ARFIP1: variants seen among roughly 807,000 people sequenced by gnomAD.
ARFIP1 encodes the protein arfaptin-1.
Under a neutral mutation model 42.5 loss-of-function variants are expected in ARFIP1, and 24 were observed. That is an observed-to-expected ratio of 0.57 (90% CI 0.41 to 0.80). The LOEUF (loss-of-function observed/expected upper bound fraction) is 0.80. Among genes scored for constraint, ARFIP1 ranks in the 30% least tolerant of loss-of-function variants. The probability of loss-of-function intolerance (pLI) is 0.00; values close to 1 mark genes in which losing one functional copy is unlikely to be tolerated. For missense variants in ARFIP1, 354 were observed against 434.0 expected, an observed-to-expected ratio of 0.82 and a Z score of 1.64; for synonymous variants, 141 against 153.7, an observed-to-expected ratio of 0.92 and a Z score of 0.61.
At chr4:152,782,223 G>GGGGT (rs376749528) in intron 1 of ARFIP1, among the ~76,000 whole-genome samples, 131 of 148,666 alleles carry the variant, frequency 8.8e-4, no homozygotes, top group African/African-American at 3.1e-3. Context: ...AACAGGTAGG[G>GGGGT]GTGTGTGTGT....
intron 1 of ARFIP1, among the ~76,000 whole-genome samples, chr4:152,818,055 A>C (rs1730048912): frequency 1.3e-5 from 2 of 152,248 alleles, no homozygotes; most frequent in South Asian, 2.1e-4. Context: ...GTGGTTTCCC[A>C]AAAAATTAAA....
At chr4:152,883,639 T>C (rs1236612428) in intron 7 of ARFIP1, among the ~76,000 whole-genome samples, 1 of 151,546 alleles carries the variant, frequency 6.6e-6, no homozygotes, top group African/African-American at 2.4e-5. Flanking sequence ...TATGTATATA[T>C]ACAGTTTCCC....
intron 8 of ARFIP1, among the ~76,000 whole-genome samples, chr4:152,893,821 C>A (rs1737070527): frequency 6.6e-6 from 1 of 152,038 alleles, no homozygotes; most frequent in Non-Finnish European, 1.5e-5. Context: ...AAAAAAATTT[C>A]TTAAAATTTA....
intron 8 of ARFIP1, among the ~76,000 whole-genome samples, chr4:152,904,420 G>C (rs1055624235): frequency 6.6e-6 from 1 of 151,884 alleles, no homozygotes; most frequent in African/African-American, 2.4e-5. Flanking sequence ...TTGAACTCCA[G>C]ACCTCGTGAT....
At chr4:152,795,820 A>ATTTCTTTTTTTTTTTTTTTTTTT (rs1731417190) in intron 1 of ARFIP1, among the ~76,000 whole-genome samples, 1 of 28,066 alleles carries the variant, frequency 3.6e-5, no homozygotes, top group Non-Finnish European at 6.2e-5. Flanking sequence ...GGCCCTTGTA[A>ATTTCTTTTTTTTTTTTTTTTTTT]TTTTTTTTTT....
Position 152,891,322 on chromosome 4 carries a change from T to C in ARFIP1, c.966+3015T>C, listed in dbSNP as rs563354188. ...TTTGAACTGAGTAATCAGCTATGTCTAAAGTAAAATCTATAAAGAAACTTT... is the reference window on the plus strand; with the variant it reads ...TTTGAACTGAGTAATCAGCTATGTCCAAAGTAAAATCTATAAAGAAACTTT... On this transcript the variant is annotated intron_variant, in intron 8 of 8. Transcript: ENST00000353617. Among the ~76,000 whole-genome samples, 30 of 152,378 alleles carry C rather than the reference T, an allele frequency of 2.0e-4. No homozygotes were observed. The East Asian group carries it at 5.8e-3, about 29-fold the overall frequency.
At chr4:152,885,886 G>A (rs185665600) in intron 7 of ARFIP1, among the ~76,000 whole-genome samples, 20 of 152,018 alleles carry the variant, frequency 1.3e-4, no homozygotes. Context: ...AAAGGTATCA[G>A]TTATTACCAG....
At chr4:152,902,776 G>A (rs1358436425) in intron 8 of ARFIP1, among the ~76,000 whole-genome samples, 1 of 152,142 alleles carries the variant, frequency 6.6e-6, no homozygotes, top group Non-Finnish European at 1.5e-5. Flanking sequence ...CTAAAAGTGG[G>A]ATTTGAACTT....
intron 1 of ARFIP1, among the ~76,000 whole-genome samples, chr4:152,815,946 G>A (rs369173900): frequency 1.4e-3 from 210 of 151,624 alleles, no homozygotes; most frequent in African/African-American, 4.4e-3. Context: ...GGGTTTCACC[G>A]TTTTAGCCGG....
rs1205328351 is a variant in ARFIP1, at chr4:152,911,707, A to C, written c.*1488A>C. The C allele has an allele frequency of 6.6e-6, 1 of 152,600 alleles. No individual in the cohort carries two copies. The highest frequency in any genetic ancestry group is 6.5e-5 in the Admixed American group (1 of 15,276). 9.5% of individuals were successfully genotyped at this position (152,600 alleles called of 1,614,324 possible). On this transcript the variant is annotated 3_prime_UTR_variant, in exon 9 of 9. Transcript: ENST00000353617. Reference sequence around the variant, plus strand: ...TGCCTTTTAGCTGGCTTTTTAATTAATATGCCTGTTTTGAGTGCTTAATAC... The same window carrying C: ...TGCCTTTTAGCTGGCTTTTTAATTACTATGCCTGTTTTGAGTGCTTAATAC...
intron 1 of ARFIP1, among the ~76,000 whole-genome samples, chr4:152,789,853 G>A (rs1429358370): frequency 6.6e-6 from 1 of 152,042 alleles, no homozygotes; most frequent in African/African-American, 2.4e-5. Context: ...TTGTTTTTGA[G>A]CACTTTTAAC....
At chr4:152,904,199 T>TATA (rs1554036703) in intron 8 of ARFIP1, among the ~76,000 whole-genome samples, 99 of 79,908 alleles carry the variant, frequency 1.2e-3, no homozygotes, top group African/African-American at 5.1e-3. Flanking sequence ...TATATATATA[T>TATA]TTTTTTTTTT....
chr4:152,906,776 G>A (rs952146299), intron 8 of ARFIP1, among the ~76,000 whole-genome samples: 1 of 152,158 alleles, frequency 6.6e-6, no homozygotes, highest in Admixed American at 6.5e-5. Flanking sequence ...CTGTCTTACC[G>A]CATATACCAG....
intron 1 of ARFIP1, among the ~76,000 whole-genome samples, chr4:152,820,103 G>A (rs1435697191): frequency 6.6e-6 from 1 of 152,050 alleles, no homozygotes; most frequent in East Asian, 1.9e-4. Flanking sequence ...CTTTCCTGCT[G>A]GCTTGGAAGA....
intron 1 of ARFIP1, among the ~76,000 whole-genome samples, chr4:152,802,489 A>G (rs907738752): frequency 7.9e-5 from 12 of 152,218 alleles, no homozygotes; most frequent in Non-Finnish European, 2.9e-5. Context: ...GAAATATTTC[A>G]CAGTACTTTT....
intron 2 of ARFIP1, among the ~76,000 whole-genome samples, chr4:152,862,596 G>A (rs770975320): frequency 3.3e-5 from 5 of 152,052 alleles, no homozygotes; most frequent in Non-Finnish European, 5.9e-5. Flanking sequence ...TCTAAAATCT[G>A]CTATCTTAAA....
At chr4:152,831,094 C>A (rs1358084267) in intron 2 of ARFIP1, among the ~76,000 whole-genome samples, 1 of 152,176 alleles carries the variant, frequency 6.6e-6, no homozygotes, top group African/African-American at 2.4e-5. Context: ...TTCCAAGACA[C>A]ACCTGCATAA....
chr4:152,907,807 CT>C (rs1301644566), intron 8 of ARFIP1, among the ~76,000 whole-genome samples: 1 of 152,114 alleles, frequency 6.6e-6, no homozygotes, highest in Non-Finnish European at 1.5e-5. Context: ...TGGTGGTTTT[CT>C]TGCTTTTTTA....
At chr4:152,889,149 C>T (rs901697983) in intron 8 of ARFIP1, among the ~76,000 whole-genome samples, 2 of 152,008 alleles carry the variant, frequency 1.3e-5, no homozygotes, top group African/African-American at 2.4e-5. Flanking sequence ...TTTCAGTTCT[C>T]TCAGGAAACA....
Sources: gnomAD v4.1 joint callset for allele counts (sites outside exome capture counted in the v4.1 genomes callset) on GRCh38, gnomAD v4.1.1 for gene constraint, MANE v1.5 for transcripts, NCBI Gene and HGNC (gene_info 2026-07-23, HGNC 2026-07-21) for gene names.